The following CDK19 variants were observed in gnomAD, a reference collection of about 807,000 sequenced individuals.
The protein encoded by CDK19 is cyclin dependent kinase 19.
Under a neutral mutation model 68.3 loss-of-function variants are expected in CDK19, and 20 were observed. The observed-to-expected ratio is 0.29, with a 90% confidence interval of 0.21 to 0.43. The LOEUF is 0.43. Among genes scored for constraint, CDK19 ranks in the 20% least tolerant of loss-of-function variants. The pLI, the probability that CDK19 is intolerant of heterozygous loss-of-function variation, is 1.00. For synonymous variants in CDK19, 221 were observed against 222.8 expected (o/e 0.99, Z 0.07); for missense variants, 339 against 623.5 (o/e 0.54, Z 4.86).
At chr6:110,785,810 G>A (rs772407255) in intron 1 of CDK19, among the ~76,000 whole-genome samples, 3 of 151,966 alleles carry the variant, frequency 2.0e-5, no homozygotes, top group Non-Finnish European at 2.9e-5. Flanking sequence ...GAGAAAACTC[G>A]TCTCTACTAA....
At chr6:110,814,856 C>T in intron 1 of CDK19, 153 bp downstream of exon 1, 2 of 974,040 alleles carry the variant, frequency 2.1e-6, no homozygotes, top group Non-Finnish European at 3.1e-6. Flanking sequence ...GCGGAACGGG[C>T]GCCCCTCGGA....
At position 110,759,535 on chromosome 6, in the gene CDK19, C is replaced by A. The variant is rs1029960665; in HGVS notation, c.129-13334G>T. Among the ~76,000 whole-genome samples, 9 of 148,200 alleles carry A rather than the reference C, an allele frequency of 6.1e-5. No homozygotes were observed. The Admixed American group carries it at 6.1e-4, about 10-fold the overall frequency. On this transcript the variant is annotated intron_variant, in intron 1 of 12. Coordinates refer to ENST00000368911, the MANE Select transcript of CDK19 (RefSeq NM_015076.5). Reference sequence around the variant, plus strand: ...GTAGGATAGCTTGATCCTGGGAGTTCGAAGTTGCAGTGAGCTATGATCGCA... The same window carrying A: ...GTAGGATAGCTTGATCCTGGGAGTTAGAAGTTGCAGTGAGCTATGATCGCA...
chr6:110,709,455 T>A (rs1000330776), intron 2 of CDK19, among the ~76,000 whole-genome samples: 11 of 150,142 alleles, frequency 7.3e-5, no homozygotes, highest in Non-Finnish European at 1.6e-4. Context: ...TGTATACCTA[T>A]GTAACAAACC....
intron 1 of CDK19, among the ~76,000 whole-genome samples, chr6:110,752,413 G>A (rs548920543): frequency 1.2e-4 from 19 of 152,062 alleles, no homozygotes; most frequent in Non-Finnish European, 2.5e-4. Flanking sequence ...AGTTTGAATA[G>A]TCTTTTAAAG....
At chr6:110,703,571 G>C (rs544869872) in intron 2 of CDK19, among the ~76,000 whole-genome samples, 6 of 152,260 alleles carry the variant, frequency 3.9e-5, no homozygotes, top group African/African-American at 1.2e-4. Flanking sequence ...CAGGCACAGT[G>C]GTTCACACAT....
At chr6:110,622,063 T>C (rs1273159817) in intron 11 of CDK19, 25 bp downstream of exon 11, 9 of 1,442,434 alleles carry the variant, frequency 6.2e-6, no homozygotes, top group Non-Finnish European at 8.6e-6. Context: ...TCTTTGGAAG[T>C]GAAAGTATAC....
chr6:110,734,399 CTT>C (rs1007449338), intron 2 of CDK19, among the ~76,000 whole-genome samples: 32 of 152,176 alleles, frequency 2.1e-4, no homozygotes, highest in Middle Eastern at 3.4e-3. Flanking sequence ...CAAAATTTTA[CTT>C]GTGGAACACA....
chr6:110,735,683 G>A lies in CDK19; in HGVS notation c.204+10443C>T, dbSNP rs536388664. ...ATATTTAATTCCAAACCGAAATTAA[G>A]CAGAATAAGTAGCCTGAAGAACAAA... is the stretch of plus-strand genomic sequence containing the variant. On this transcript the variant is annotated intron_variant, in intron 2 of 12. Transcript: ENST00000368911. Among the ~76,000 whole-genome samples, 10 of 152,302 alleles carry A rather than the reference G, an allele frequency of 6.6e-5. No individual in the cohort carries two copies. In the South Asian group the frequency reaches 2.1e-3, roughly 32 times the overall value.
At chr6:110,659,722 G>C (rs1017459548) in intron 4 of CDK19, among the ~76,000 whole-genome samples, 2 of 152,104 alleles carry the variant, frequency 1.3e-5, no homozygotes, top group Admixed American at 1.3e-4. Context: ...AGCAGGGAGG[G>C]GAAGAAGAGA....
At chr6:110,735,469 G>A (rs1458264456) in intron 2 of CDK19, among the ~76,000 whole-genome samples, 1 of 152,084 alleles carries the variant, frequency 6.6e-6, no homozygotes, top group African/African-American at 2.4e-5. Context: ...GGATTCAATA[G>A]TGAATATATC....
At chr6:110,731,439 G>T (rs1776751650) in intron 2 of CDK19, among the ~76,000 whole-genome samples, 1 of 152,174 alleles carries the variant, frequency 6.6e-6, no homozygotes, top group South Asian at 2.1e-4. Flanking sequence ...GAGTTGGGGA[G>T]GGGAAGGGGT....
intron 4 of CDK19, among the ~76,000 whole-genome samples, chr6:110,641,640 GGAAAGAAAGGAA>G (rs915065039): frequency 7.6e-6 from 1 of 131,332 alleles, no homozygotes; most frequent in African/African-American, 3.0e-5. Flanking sequence ...AGGAGGAAAG[GGAAAGAAAGGAA>G]GGAAGGAAGG....
At chr6:110,693,547 T>C (rs1425710525) in intron 2 of CDK19, among the ~76,000 whole-genome samples, 2 of 152,166 alleles carry the variant, frequency 1.3e-5, no homozygotes, top group African/African-American at 4.8e-5. Flanking sequence ...GGATATAAAC[T>C]TGGTGCTGTT....
At chr6:110,714,069 T>C (rs1021100342) in intron 2 of CDK19, among the ~76,000 whole-genome samples, 1 of 152,198 alleles carries the variant, frequency 6.6e-6, no homozygotes, top group Non-Finnish European at 1.5e-5. Flanking sequence ...AGAAACAGCA[T>C]ATCCATTAAG....
intron 1 of CDK19, among the ~76,000 whole-genome samples, chr6:110,806,232 TG>T (rs1782670520): frequency 6.7e-6 from 1 of 150,366 alleles, no homozygotes; most frequent in African/African-American, 2.5e-5. Context: ...CCCAGCTACT[TG>T]GGAGGCTGAG....
intron 4 of CDK19, among the ~76,000 whole-genome samples, chr6:110,666,609 G>A (rs1534032): frequency 0.035 from 5,387 of 151,896 alleles, 309 homozygotes; most frequent in African/African-American, 0.12. Context: ...AGATCCTTTC[G>A]TCAATAAACA....
intron 4 of CDK19, among the ~76,000 whole-genome samples, chr6:110,654,121 A>G (rs1011627162): frequency 1.3e-5 from 2 of 152,212 alleles, no homozygotes; most frequent in African/African-American, 4.8e-5. Flanking sequence ...AATGGCTACA[A>G]CTATACTTTT....
intron 2 of CDK19, among the ~76,000 whole-genome samples, chr6:110,696,070 C>T (rs1181040791): frequency 1.3e-5 from 2 of 152,122 alleles, no homozygotes; most frequent in East Asian, 3.8e-4. Context: ...GACCAATATT[C>T]CTGATGAACA....
Position 110,815,269 on chromosome 6 carries a change from C to CTCTCG in CDK19, c.-134_-133insCGAGA. The CTCTCG allele has an allele frequency of 9.5e-7, 1 of 1,055,638 alleles. No individual in the cohort carries two copies. Among genetic ancestry groups the CTCTCG allele is most frequent in the Non-Finnish European group, 1.2e-6 (1 of 804,696 alleles). 65.4% of individuals were successfully genotyped at this position (1,055,638 alleles called of 1,614,324 possible). On this transcript the variant is annotated 5_prime_UTR_variant, in exon 1 of 13. Transcript: ENST00000368911. ...CGCGCGCGCGCGCGCCGCCCGCCGC[C>CTCTCG]CGCCGCTCCGCGGTCCGCCTTCAGC...
Sources: allele counts gnomAD v4.1 joint callset (sites outside exome capture counted in the v4.1 genomes callset), GRCh38; gene constraint gnomAD v4.1.1; transcripts MANE v1.5; gene names NCBI Gene and HGNC (gene_info 2026-07-23, HGNC 2026-07-21).